Variants in FHL5 observed in about 807,000 individuals in gnomAD.
FHL5 encodes four and a half LIM domains 5.
In FHL5, 33 loss-of-function variants were observed where a neutral mutation model predicts 32.0. The observed-to-expected ratio is 1.03, with a 90% CI of 0.78 to 1.38. FHL5 has a LOEUF of 1.38. Ranked by LOEUF, FHL5 falls within the 40% of genes most tolerant of loss-of-function variation. FHL5 has a pLI of 0.00. For missense variants in FHL5, 336 were observed against 343.9 expected, an observed-to-expected ratio of 0.98 and a Z score of 0.18; for synonymous variants, 114 against 113.6, an observed-to-expected ratio of 1.00 and a Z score of -0.02.
intron 4 of FHL5, among the ~76,000 whole-genome samples, chr6:96,609,923 T>A (rs555109369): frequency 6.6e-6 from 1 of 152,330 alleles, no homozygotes; most frequent in East Asian, 1.9e-4. Context: ...GTGTTGAGAA[T>A]ATTCAGAAGA....
intron 1 of FHL5, among the ~76,000 whole-genome samples, chr6:96,582,114 G>T (rs79901398): frequency 0.012 from 1,770 of 152,190 alleles, 33 homozygotes; most frequent in African/African-American, 0.034. Context: ...CAACTATATT[G>T]GCTCTTCCAG....
intron 5 of FHL5, among the ~76,000 whole-genome samples, chr6:96,613,081 T>C (rs1187914084): frequency 1.3e-5 from 2 of 152,120 alleles, no homozygotes; most frequent in Non-Finnish European, 2.9e-5. Context: ...TACTTGAAAA[T>C]TGCTAAGAGA....
intron 1 of FHL5, among the ~76,000 whole-genome samples, chr6:96,594,573 G>T (rs1770996911): frequency 6.6e-6 from 1 of 151,852 alleles, no homozygotes; most frequent in Non-Finnish European, 1.5e-5. Flanking sequence ...GTTGGGATTT[G>T]AACTCAGATT....
Position 96,602,354 on chromosome 6 carries a change from A to AT in FHL5, c.-12-1239dup, listed in dbSNP as rs1243736765. Among the ~76,000 whole-genome samples the AT allele has an allele frequency of 2.8e-3, 402 of 144,956 alleles. 1 individual carries two copies. The highest frequency in any genetic ancestry group is 9.4e-3 in the African/African-American group (370 of 39,184). On this transcript the variant is annotated intron_variant, in intron 1 of 5. Transcript: ENST00000450218. ...CATTTTCCAAGGAAAAGCAGTGCTAATTTTTTTTTGTAACAACAAAGAATT... is the reference window on the plus strand; with the variant it reads ...CATTTTCCAAGGAAAAGCAGTGCTAATTTTTTTTTTGTAACAACAAAGAATT...
chr6:96,574,708 C>T, intron 1 of FHL5, among the ~76,000 whole-genome samples: 1 of 151,982 alleles, frequency 6.6e-6, no homozygotes, highest in East Asian at 1.9e-4. Context: ...AGGTAAATAG[C>T]TTTTATTATA....
intron 4 of FHL5, among the ~76,000 whole-genome samples, chr6:96,607,345 C>T (rs1002806220): frequency 1.4e-5 from 2 of 147,292 alleles, no homozygotes; most frequent in Non-Finnish European, 1.5e-5. Context: ...ATTTGTATAT[C>T]TGGACAGCTG....
At chr6:96,590,945 A>T (rs1770902923) in intron 1 of FHL5, among the ~76,000 whole-genome samples, 1 of 152,102 alleles carries the variant, frequency 6.6e-6, no homozygotes, top group Non-Finnish European at 1.5e-5. Flanking sequence ...CTTGATCATG[A>T]TATACTAATC....
intron 1 of FHL5, among the ~76,000 whole-genome samples, chr6:96,569,696 T>C (rs911703109): frequency 5.9e-5 from 9 of 152,026 alleles, no homozygotes; most frequent in African/African-American, 1.9e-4. Flanking sequence ...CTGCTTTACC[T>C]GATATAAGTA....
intron 1 of FHL5, among the ~76,000 whole-genome samples, chr6:96,599,768 T>C (rs1771112115): frequency 6.6e-6 from 1 of 152,242 alleles, no homozygotes; most frequent in African/African-American, 2.4e-5. Flanking sequence ...TGCAAGTGAA[T>C]GACTAGCACT....
intron 1 of FHL5, among the ~76,000 whole-genome samples, chr6:96,592,037 C>T (rs942149603): frequency 2.0e-5 from 3 of 151,998 alleles, no homozygotes; most frequent in Admixed American, 6.6e-5. Flanking sequence ...ACCATAGGAC[C>T]GGGGCAAAAT....
At chr6:96,589,074 A>C (rs1431044669) in intron 1 of FHL5, among the ~76,000 whole-genome samples, 2 of 152,150 alleles carry the variant, frequency 1.3e-5, no homozygotes, top group Non-Finnish European at 2.9e-5. Flanking sequence ...CCATGTAAAT[A>C]ACCAATTATT....
intron 2 of FHL5, among the ~76,000 whole-genome samples, chr6:96,604,174 T>C (rs535480218): frequency 1.3e-5 from 2 of 152,274 alleles, no homozygotes; most frequent in South Asian, 4.1e-4. Context: ...TGATGTAAAA[T>C]CAGCTTCATT....
intron 4 of FHL5, among the ~76,000 whole-genome samples, chr6:96,607,001 T>C (rs1007976462): frequency 3.9e-5 from 6 of 152,106 alleles, no homozygotes; most frequent in Admixed American, 6.5e-5. Context: ...TCCAGGATCA[T>C]GTAGGGCCTT....
At chr6:96,567,045 T>C (rs1770373401) in intron 1 of FHL5, among the ~76,000 whole-genome samples, 1 of 151,904 alleles carries the variant, frequency 6.6e-6, no homozygotes, top group African/African-American at 2.4e-5. Context: ...TGAGGTCTTA[T>C]CCATGAAATT....
chr6:96,573,246 C>T (rs1218493248), intron 1 of FHL5, among the ~76,000 whole-genome samples: 1 of 152,088 alleles, frequency 6.6e-6, no homozygotes, highest in Non-Finnish European at 1.5e-5. Context: ...AAAGAGGCTC[C>T]TATTGACAAG....
chr6:96,610,795 C>T, intron 5 of FHL5, 37 bp downstream of exon 5: 1 of 1,426,630 alleles, frequency 7.0e-7, no homozygotes, highest in Non-Finnish European at 9.7e-7. Context: ...TGCCATGAGA[C>T]AGTTATGACT....
At chr6:96,599,190 T>C (rs1275722193) in intron 1 of FHL5, among the ~76,000 whole-genome samples, 3 of 137,548 alleles carry the variant, frequency 2.2e-5, no homozygotes, top group African/African-American at 8.3e-5. Context: ...TGAACTTACA[T>C]CTTTTTTTTT....
intron 1 of FHL5, among the ~76,000 whole-genome samples, chr6:96,564,598 G>A (rs148476352): frequency 8.2e-4 from 125 of 152,180 alleles, no homozygotes; most frequent in Middle Eastern, 3.4e-3. Context: ...ACATAAGACT[G>A]GGTACTTTTC....
rs1771567136 is a variant in FHL5, at chr6:96,618,517, G to A, written c.*2745G>A. The stretch of plus-strand genomic sequence containing the variant: ...GAAAATAATTATTGTAGTGTTTGAG[G>A]AAAATTATGCTTTTGATCCTTTGTG... On this transcript the variant is annotated 3_prime_UTR_variant, in exon 6 of 6. Transcript: ENST00000450218. Among the ~76,000 whole-genome samples, 1 of 152,212 alleles carries A rather than the reference G, an allele frequency of 6.6e-6. No homozygotes were observed. Among genetic ancestry groups the A allele is most frequent in the South Asian group, 2.1e-4 (1 of 4,834 alleles).
Sources: allele counts gnomAD v4.1 joint callset (sites outside exome capture counted in the v4.1 genomes callset), GRCh38; gene constraint gnomAD v4.1.1; transcripts MANE v1.5; gene names NCBI Gene and HGNC (gene_info 2026-07-23, HGNC 2026-07-21).